The following MESD variants were observed in gnomAD, a reference collection of about 807,000 sequenced individuals.
The protein encoded by MESD is mesoderm development LRP chaperone.
MESD carries 7 observed loss-of-function variants against 12.9 expected under a neutral mutation model. The ratio of observed to expected loss-of-function variants is 0.54; its 90% CI spans 0.31 to 1.02. The LOEUF (loss-of-function observed/expected upper bound fraction) is 1.02, where lower values mean the gene tolerates loss of function less well. MESD is among the 50% of genes least tolerant of loss of function. MESD has a pLI of 0.05. For missense variants in MESD, 342 were observed against 296.7 expected (o/e 1.15, Z -1.12); for synonymous variants, 126 against 115.6 (o/e 1.09, Z -0.58).
exon 5 of MESD, chr15:80,947,591 T>C (rs1293871895): frequency 6.3e-6 from 1 of 157,890 alleles, no homozygotes; most frequent in Non-Finnish European, 1.4e-5. Flanking sequence ...TTGCTGGCTG[T>C]GCTGGAAGAA....
At chr15:80,969,312 A>G (rs1297205201) in intron 3 of MESD, among the ~76,000 whole-genome samples, 1 of 152,140 alleles carries the variant, frequency 6.6e-6, no homozygotes, top group Non-Finnish European at 1.5e-5. Flanking sequence ...GCTGAAAGAC[A>G]TTGTGTGTCT....
At chr15:80,948,705 G>GT in exon 5 of MESD, 1 of 1,559,040 alleles carries the variant, frequency 6.4e-7, no homozygotes, top group Non-Finnish European at 8.8e-7. Context: ...CCTGGTGGGC[G>GT]TGGGGGGCTG....
At chr15:80,947,072 G>A (rs185853871), downstream of MESD, 3 of 1,594,882 alleles carry the variant, frequency 1.9e-6, no homozygotes, top group Non-Finnish European at 1.7e-6. Flanking sequence ...AAAGGTAAGG[G>A]TTTGAACTGG....
chr15:80,948,279 G>C (rs1321263316), exon 5 of MESD: 3 of 209,676 alleles, frequency 1.4e-5, no homozygotes, highest in South Asian at 9.0e-5. Flanking sequence ...GGTTTCAGGG[G>C]TTTAGAGTTC....
At chr15:80,948,690 C>T (rs1008079737) in exon 5 of MESD, 17 of 1,444,286 alleles carry the variant, frequency 1.2e-5, no homozygotes, top group Admixed American at 1.7e-5. Context: ...TGTGGCTAGG[C>T]GGTACCTGGT....
chr15:80,969,181 C>T (rs1902235331), intron 3 of MESD, among the ~76,000 whole-genome samples: 2 of 151,988 alleles, frequency 1.3e-5, no homozygotes, highest in African/African-American at 4.8e-5. Context: ...CAGAGTGAGA[C>T]CCTAACTGAA....
intron 3 of MESD, chr15:80,953,017 G>C (rs1262660466): frequency 4.4e-6 from 2 of 456,098 alleles, no homozygotes; most frequent in Admixed American, 4.7e-5. Flanking sequence ...TCAGTGAGTG[G>C]AAGTAGGACA....
intron 2 of MESD, among the ~76,000 whole-genome samples, 180 bp downstream of exon 2, chr15:80,981,770 G>A (rs1902585844): frequency 6.6e-6 from 1 of 152,126 alleles, no homozygotes; most frequent in Admixed American, 6.5e-5. Context: ...CAGGAGAATC[G>A]CTTGAACCAG....
intron 2 of MESD, among the ~76,000 whole-genome samples, chr15:80,981,617 A>G (rs1348579117): frequency 1.3e-5 from 2 of 152,142 alleles, no homozygotes; most frequent in Admixed American, 6.5e-5. Context: ...GCACTTAGGG[A>G]GGCTGAGGCG....
chr15:80,986,729 G>A (rs941150908), intron 1 of MESD, among the ~76,000 whole-genome samples: 1 of 152,174 alleles, frequency 6.6e-6, no homozygotes, highest in Non-Finnish European at 1.5e-5. Context: ...TCCTAGCCCT[G>A]CCTCCAGGCC....
At chr15:80,956,825 T>C (rs960143129) in intron 3 of MESD, among the ~76,000 whole-genome samples, 4 of 152,048 alleles carry the variant, frequency 2.6e-5, no homozygotes, top group African/African-American at 9.7e-5. Context: ...TCTCTCTTTT[T>C]TTTTGTTTGA....
intron 3 of MESD, among the ~76,000 whole-genome samples, chr15:80,970,305 A>T (rs1054524360): frequency 6.6e-6 from 1 of 152,188 alleles, no homozygotes; most frequent in African/African-American, 2.4e-5. Context: ...GCTTCCGAAA[A>T]AGGTTCTAGT....
At chr15:80,973,063 T>C (rs1902326060), downstream of MESD, among the ~76,000 whole-genome samples, 1 of 151,988 alleles carries the variant, frequency 6.6e-6, no homozygotes, top group Non-Finnish European at 1.5e-5. Flanking sequence ...TTCGTTACTA[T>C]ATAACGCTGA....
intron 3 of MESD, among the ~76,000 whole-genome samples, chr15:80,962,982 A>T (rs1233577953): frequency 6.6e-6 from 1 of 152,182 alleles, no homozygotes; most frequent in African/African-American, 2.4e-5. Flanking sequence ...AATAACTAAG[A>T]TCAGAGCAGA....
intron 2 of MESD, among the ~76,000 whole-genome samples, chr15:80,981,535 G>C (rs1249807582): frequency 2.6e-5 from 4 of 151,550 alleles, no homozygotes; most frequent in Non-Finnish European, 4.4e-5. Context: ...GGCCAGAAAG[G>C]ACACCCTGTT....
chr15:80,954,803 G>A (rs929659364), intron 3 of MESD, among the ~76,000 whole-genome samples: 2 of 152,356 alleles, frequency 1.3e-5, no homozygotes, highest in South Asian at 2.1e-4. Context: ...GCAGCCCAAC[G>A]CTAATTTGTA....
chr15:80,954,038 C>T (rs1448280285), intron 3 of MESD, among the ~76,000 whole-genome samples: 1 of 152,152 alleles, frequency 6.6e-6, no homozygotes, highest in Non-Finnish European at 1.5e-5. Context: ...CCCACTGGCT[C>T]AAGGATCTTA....
chr15:80,955,748 G>A (rs1901968797), intron 3 of MESD, among the ~76,000 whole-genome samples: 3 of 151,530 alleles, frequency 2.0e-5, no homozygotes, highest in Admixed American at 2.0e-4. Context: ...AGCCTCCTGA[G>A]TAGCTGGGAT....
intron 1 of MESD, among the ~76,000 whole-genome samples, chr15:80,985,085 C>T (rs1032366388): frequency 6.6e-5 from 10 of 152,178 alleles, no homozygotes; most frequent in African/African-American, 2.4e-4. Context: ...CCACACATAA[C>T]ACACTAACCT....
Sources: gnomAD v4.1 joint callset for allele counts (sites outside exome capture counted in the v4.1 genomes callset) on GRCh38, gnomAD v4.1.1 for gene constraint, MANE v1.5 for transcripts, NCBI Gene and HGNC (gene_info 2026-07-23, HGNC 2026-07-21) for gene names.